Variants in MORF4L1 observed in about 807,000 individuals in gnomAD.
MORF4L1 encodes mortality factor 4-like protein 1.
Under a neutral mutation model 52.9 loss-of-function variants are expected in MORF4L1, and 4 were observed. That is an observed-to-expected ratio of 0.08 (90% CI 0.04 to 0.17). The LOEUF (loss-of-function observed/expected upper bound fraction) is 0.17. MORF4L1 is among the 10% of genes least tolerant of loss of function. The pLI is 1.00. For synonymous variants in MORF4L1, 123 were observed against 134.8 expected (o/e 0.91, Z 0.61); for missense variants, 214 against 390.4 (o/e 0.55, Z 3.81).
In MORF4L1 at chr15:78,894,067, G is replaced by A. The variant is rs146848001; in HGVS notation, c.639G>A (p.Ala213=). Residue 213 remains alanine, a synonymous_variant, in exon 10 of 12, where the codon GCG becomes GCA. Transcript: ENST00000426013. The part of the protein sequence containing the change: ...SRGNTDNKEY[A]VNEVVAGIKE... ...TTTGTTCATTTATCAGGGAGTATGCGGTTAATGAAGTTGTGGCAGGGATAA... is the reference window on the plus strand; with the variant it reads ...TTTGTTCATTTATCAGGGAGTATGCAGTTAATGAAGTTGTGGCAGGGATAA... 197 of 1,612,180 alleles carry A rather than the reference G, an allele frequency of 1.2e-4. 2 individuals carry two copies. In the African/African-American group the frequency reaches 1.6e-3, roughly 13 times the overall value.
intron 7 of MORF4L1, 76 bp downstream of exon 7, chr15:78,891,648 TG>T: frequency 1.7e-6 from 2 of 1,193,666 alleles, no homozygotes; most frequent in Non-Finnish European, 2.4e-6. Context: ...ATGGGAGCTT[TG>T]ATTATCTACA....
chr15:78,874,685 C>G (rs1280863207), intron 1 of MORF4L1, among the ~76,000 whole-genome samples: 1 of 150,660 alleles, frequency 6.6e-6, no homozygotes, highest in East Asian at 2.0e-4. Flanking sequence ...GCCTCGGCCT[C>G]CCAAAGTTGT....
At position 78,894,903 on chromosome 15, in the gene MORF4L1, A is replaced by C; in HGVS notation, c.886A>C (p.Lys296Gln). Residue 296 changes from lysine to glutamine, a missense_variant and splice_region_variant, in exon 11 of 12, where the codon AAG (lysine) becomes CAG (glutamine). Lys to Gln is a moderately conservative substitution (Grantham distance 53, BLOSUM62 1). This residue lies in a region of MORF4L1 where 30 missense variants were observed against 34.6 expected (regional missense o/e 0.87). Transcript: ENST00000426013. ...ACTCAATTATCTTCACGATTTCCTAAAGTAAGTCTGTGCTTGAAATTATAA... is the reference window on the plus strand; with the variant it reads ...ACTCAATTATCTTCACGATTTCCTACAGTAAGTCTGTGCTTGAAATTATAA... ...LLLNYLHDFL[K>Q]YLAKNSATLF... is the part of the protein sequence containing the mutation. 2 of 1,609,760 alleles carry C rather than the reference A, an allele frequency of 1.2e-6. No individual in the cohort carries two copies. Among genetic ancestry groups the C allele is most frequent in the Non-Finnish European group, 1.7e-6 (2 of 1,176,098 alleles).
chr15:78,891,414 C>T (rs1469138565), intron 6 of MORF4L1, 70 bp from the exon 7 acceptor site: 2 of 1,161,892 alleles, frequency 1.7e-6, no homozygotes, highest in Non-Finnish European at 2.6e-6. Context: ...GTTAATGTGT[C>T]AAGAGACTAT....
At chr15:78,892,187 T>TA (rs1381595781) in intron 7 of MORF4L1, 25 bp from the exon 8 acceptor site, 1 of 1,551,272 alleles carries the variant, frequency 6.4e-7, no homozygotes, top group Non-Finnish European at 8.9e-7. Context: ...GTTAGGTTTT[T>TA]AATACTCCTC....
At chr15:78,892,089 G>C in intron 7 of MORF4L1, 123 bp from the exon 8 acceptor site, 2 of 586,094 alleles carry the variant, frequency 3.4e-6, no homozygotes, top group Non-Finnish European at 6.0e-6. Context: ...AAAAATGACA[G>C]TACAGCTGTA....
Position 78,888,895 on chromosome 15 carries a change from T to C in MORF4L1, c.323+1546T>C, listed in dbSNP as rs528308079. Among the ~76,000 whole-genome samples, 462 of 152,318 alleles carry C rather than the reference T, an allele frequency of 3.0e-3. 3 individuals carry two copies. The highest frequency in any genetic ancestry group is 2.1e-3 in the Non-Finnish European group (145 of 68,026). Reference sequence around the variant, plus strand: ...AATAAGTGGTAACATGTTTTCATGATCTGGTTCTTTGGAAAACTGTAGTGT... The same window carrying C: ...AATAAGTGGTAACATGTTTTCATGACCTGGTTCTTTGGAAAACTGTAGTGT... On this transcript the variant is annotated intron_variant, in intron 5 of 11. Coordinates refer to ENST00000426013, the MANE Select transcript of MORF4L1 (RefSeq NM_006791.4).
intron 3 of MORF4L1, chr15:78,885,037 G>A: frequency 6.2e-7 from 1 of 1,614,038 alleles, no homozygotes. Flanking sequence ...CCTTTTTCCT[G>A]TTCCTGAAGG....
At chr15:78,891,726 C>G (rs918318768) in intron 7 of MORF4L1, 154 bp downstream of exon 7, 1 of 587,400 alleles carries the variant, frequency 1.7e-6, no homozygotes, top group African/African-American at 1.9e-5. Context: ...GGATAAATTT[C>G]TGTATATCTT....
chr15:78,873,211 C>T (rs2056402528), intron 1 of MORF4L1, 154 bp downstream of exon 1: 7 of 1,514,230 alleles, frequency 4.6e-6, no homozygotes, highest in South Asian at 3.8e-5. Flanking sequence ...TTGCGGATGG[C>T]AATTCCGGTG....
At chr15:78,877,358 G>C (rs1022685817) in intron 1 of MORF4L1, among the ~76,000 whole-genome samples, 2 of 152,150 alleles carry the variant, frequency 1.3e-5, no homozygotes, top group Non-Finnish European at 2.9e-5. Context: ...GACCTCAGGT[G>C]ATCCAGCCAC....
chr15:78,886,436 T>TA, intron 4 of MORF4L1: 1 of 558,916 alleles, frequency 1.8e-6, no homozygotes. Flanking sequence ...GAGCTTATCT[T>TA]AGACCTAGGT....
intron 5 of MORF4L1, among the ~76,000 whole-genome samples, chr15:78,890,134 C>T (rs996376445): frequency 2.6e-5 from 4 of 151,972 alleles, no homozygotes; most frequent in African/African-American, 7.3e-5. Flanking sequence ...GCAGGAGAAT[C>T]GCTTGAACCC....
At chr15:78,876,353 T>A in intron 1 of MORF4L1, 1 of 296,882 alleles carries the variant, frequency 3.4e-6, no homozygotes, top group Non-Finnish European at 7.0e-6. Context: ...TATAAGCAAT[T>A]CTTAAGGCAT....
At chr15:78,885,064 C>A in intron 3 of MORF4L1, 1 of 1,613,052 alleles carries the variant, frequency 6.2e-7, no homozygotes, top group South Asian at 1.1e-5. Flanking sequence ...CTCAGTACAC[C>A]ACCCCCTCCT....
chr15:78,875,760 TG>T (rs1187779335), intron 1 of MORF4L1, among the ~76,000 whole-genome samples: 2 of 144,606 alleles, frequency 1.4e-5, no homozygotes, highest in African/African-American at 5.1e-5. Flanking sequence ...CACTCCAGCC[TG>T]GGCCACAGAG....
intron 7 of MORF4L1, 53 bp from the exon 8 acceptor site, chr15:78,892,159 T>TG (rs2056812530): frequency 1.5e-6 from 2 of 1,297,792 alleles, no homozygotes; most frequent in Admixed American, 3.6e-5. Flanking sequence ...CCTCCATGTT[T>TG]GGTATTTAGC....
In MORF4L1 at chr15:78,890,862, A is replaced by G. The variant is rs4778659; in HGVS notation, c.324-127A>G. On this transcript the variant is annotated intron_variant, in intron 5 of 11. Transcript: ENST00000426013. ...AAAAATCCTTGTGTCTGAGTAGGAC[A>G]CATATTTACCACCTGATCCTTTATC... is the stretch of plus-strand genomic sequence containing the variant. 15,002 of 866,314 alleles carry G rather than the reference A, an allele frequency of 0.017. 1,421 individuals are homozygous for G. The East Asian group carries it at 0.29, about 17-fold the overall frequency. 53.7% of individuals were successfully genotyped at this position (866,314 alleles called of 1,614,324 possible). A position where few individuals can be genotyped will look rare whatever the true frequency, so the allele number is the denominator to read the frequency against.
chr15:78,889,201 G>C (rs560548579), intron 5 of MORF4L1, among the ~76,000 whole-genome samples: 4 of 152,176 alleles, frequency 2.6e-5, no homozygotes, highest in African/African-American at 9.6e-5. Context: ...TCTTCAAACT[G>C]GCTTCTGAGT....
Sources: gnomAD v4.1 joint callset for allele counts (sites outside exome capture counted in the v4.1 genomes callset) on GRCh38, gnomAD v4.1.1 for gene constraint, gnomAD v4.1.1 regional missense constraint, MANE v1.5 for transcripts, NCBI Gene and HGNC (gene_info 2026-07-23, HGNC 2026-07-21) for gene names.